The following CNTLN variants were observed in gnomAD, a reference collection of about 807,000 sequenced individuals.
CNTLN encodes the protein centlein, centrosomal protein.
A neutral mutation model predicts 180.0 loss-of-function variants in CNTLN; 212 were observed. The observed-to-expected ratio is 1.18, with a 90% CI of 1.05 to 1.32. The LOEUF (loss-of-function observed/expected upper bound fraction) is 1.32. Ranked by LOEUF, CNTLN falls within the 40% of genes most tolerant of loss-of-function variation. The pLI, the probability that CNTLN is intolerant of heterozygous loss-of-function variation, is 0.00. For missense variants in CNTLN, 2,095 were observed against 1,610.9 expected, an observed-to-expected ratio of 1.30 and a Z score of -5.14; for synonymous variants, 722 against 563.1, an observed-to-expected ratio of 1.28 and a Z score of -3.99.
At position 17,273,641 on chromosome 9, in the gene CNTLN, T is replaced by C. The variant is rs148254268; in HGVS notation, c.850-92T>C. On this transcript the variant is annotated intron_variant, in intron 5 of 25. Coordinates refer to ENST00000380647, the MANE Select transcript of CNTLN (RefSeq NM_017738.4). ...TGAAAAAATTAAAACTATTTTTCTC[T>C]GTCATTTTGTAGAATAATTAAATAT... 7.6e-6 allele frequency: 5 copies of C among 660,138 alleles called. No homozygotes were observed. The East Asian group carries it at 1.6e-4, about 21-fold the overall frequency. The allele number at this position is 660,138 out of a possible 1,614,324, so 40.9% of individuals were successfully genotyped here. A position where few individuals can be genotyped will look rare whatever the true frequency, so the allele number is the denominator to read the frequency against.
chr9:17,418,996 A>G (rs1828487563), intron 18 of CNTLN, among the ~76,000 whole-genome samples: 1 of 152,134 alleles, frequency 6.6e-6, no homozygotes, highest in African/African-American at 2.4e-5. Context: ...AAAAAAGCTT[A>G]GAAGAAGAAA....
At chr9:17,352,431 G>A (rs1278540164) in intron 12 of CNTLN, among the ~76,000 whole-genome samples, 1 of 119,006 alleles carries the variant, frequency 8.4e-6, no homozygotes, top group Non-Finnish European at 1.7e-5. Context: ...TTTTTTTTTT[G>A]GTATGTAGAA....
chr9:17,381,816 C>G lies in CNTLN; in HGVS notation c.1988-6346C>G, dbSNP rs148934865. 6.6e-5 allele frequency among the ~76,000 whole-genome samples: 10 copies of G among 152,292 alleles called. No individual in the cohort carries two copies. The East Asian group carries it at 9.7e-4, about 15-fold the overall frequency. ...AGGCAATATTGGATTTAGGTCTGCT[C>G]CATATTTCTTAATCCCAGTCCCAGG... On this transcript the variant is annotated intron_variant, in intron 13 of 25. Transcript: ENST00000380647.
In CNTLN at chr9:17,298,481, T is replaced by A. The variant is rs76842022; in HGVS notation, c.1146+129T>A. 3.4e-3 allele frequency: 4,576 copies of A among 1,340,068 alleles called. 136 individuals carry two copies. In the African/African-American group the frequency reaches 0.063, roughly 18 times the overall value. 83.0% of individuals were successfully genotyped at this position (1,340,068 alleles called of 1,614,324 possible). On this transcript the variant is annotated intron_variant, in intron 7 of 25. Transcript: ENST00000380647. Reference sequence around the variant, plus strand: ...CTTTTACATGTGTTTCCTCAAAATTTAGAAGTGAAGGATGGTTCAATTTGA... The same window carrying A: ...CTTTTACATGTGTTTCCTCAAAATTAAGAAGTGAAGGATGGTTCAATTTGA...
chr9:17,224,757 T>C (rs1379648965), intron 2 of CNTLN, among the ~76,000 whole-genome samples: 1 of 152,058 alleles, frequency 6.6e-6, no homozygotes, highest in Non-Finnish European at 1.5e-5. Flanking sequence ...ACATTAGTTA[T>C]TCTTTTGTCT....
At chr9:17,137,535 A>G (rs1159939183) in intron 1 of CNTLN, among the ~76,000 whole-genome samples, 1 of 152,226 alleles carries the variant, frequency 6.6e-6, no homozygotes, top group Non-Finnish European at 1.5e-5. Context: ...ATACAAACAT[A>G]TATTTTCAGA....
chr9:17,501,971 A>G (rs926476230), intron 25 of CNTLN, among the ~76,000 whole-genome samples: 1 of 152,230 alleles, frequency 6.6e-6, no homozygotes, highest in Admixed American at 6.5e-5. Context: ...AAATTTAAAA[A>G]TGTAGTCTAC....
At chr9:17,233,093 C>G (rs1824912263) in intron 3 of CNTLN, among the ~76,000 whole-genome samples, 1 of 152,014 alleles carries the variant, frequency 6.6e-6, no homozygotes, top group Non-Finnish European at 1.5e-5. Context: ...ATAATGAAAA[C>G]TCTTGAAATG....
chr9:17,320,207 C>A (rs1819810424), intron 8 of CNTLN, among the ~76,000 whole-genome samples: 2 of 152,146 alleles, frequency 1.3e-5, no homozygotes, highest in Admixed American at 6.5e-5. Context: ...CTCTCTCTTC[C>A]TTGCTTTCCT....
intron 23 of CNTLN, among the ~76,000 whole-genome samples, chr9:17,470,952 G>T (rs892646690): frequency 3.3e-5 from 5 of 151,938 alleles, no homozygotes; most frequent in Non-Finnish European, 5.9e-5. Flanking sequence ...ACATACAATT[G>T]TTAATACCTT....
downstream of CNTLN, among the ~76,000 whole-genome samples, chr9:17,506,070 A>C (rs1002125808): frequency 3.6e-5 from 2 of 55,444 alleles, no homozygotes; most frequent in Non-Finnish European, 8.7e-5. Flanking sequence ...GCAGTTGGGC[A>C]TCTTGGGTTA....
chr9:17,220,979 C>T (rs1824095152), intron 2 of CNTLN, among the ~76,000 whole-genome samples: 1 of 152,010 alleles, frequency 6.6e-6, no homozygotes. Context: ...AATTCCTGGA[C>T]AGTTAAAAAT....
At chr9:17,163,229 A>T (rs1024677068) in intron 2 of CNTLN, among the ~76,000 whole-genome samples, 1 of 152,078 alleles carries the variant, frequency 6.6e-6, no homozygotes, top group African/African-American at 2.4e-5. Flanking sequence ...GGTCCCTCCC[A>T]CCACATGTGG....
chr9:17,223,627 T>C (rs1367592227), intron 2 of CNTLN, among the ~76,000 whole-genome samples: 3 of 152,046 alleles, frequency 2.0e-5, no homozygotes, highest in Non-Finnish European at 4.4e-5. Context: ...CTGCCTATCA[T>C]GTACAATTCA....
chr9:17,359,717 TAAAAATACAAAAAAAA>T lies in CNTLN; in HGVS notation c.1887-6894_1887-6879del, dbSNP rs1226351039. Among the ~76,000 whole-genome samples, 6 of 13,498 alleles carry T rather than the reference TAAAAATACAAAAAAAA, an allele frequency of 4.4e-4. No individual in the cohort carries two copies. The Admixed American group carries it at 4.8e-3, about 11-fold the overall frequency. The allele number at this position is 13,498 out of a possible 152,430, so 8.9% of individuals were successfully genotyped here. A position where few individuals can be genotyped will look rare whatever the true frequency, so the allele number is the denominator to read the frequency against. ...TAACACGGTGAAACTCCGTCTATAC[TAAAAATACAAAAAAAA>T]AAAAAAAAAAAAAAAAACTAGCTGG... On this transcript the variant is annotated intron_variant, in intron 12 of 25. Coordinates refer to ENST00000380647, the MANE Select transcript of CNTLN (RefSeq NM_017738.4).
intron 23 of CNTLN, among the ~76,000 whole-genome samples, chr9:17,474,090 C>T (rs1006027439): frequency 1.3e-5 from 2 of 152,086 alleles, no homozygotes; most frequent in African/African-American, 2.4e-5. Flanking sequence ...TATACTCGCT[C>T]TCTAGACAAT....
At chr9:17,348,475 T>A (rs1822093224) in intron 12 of CNTLN, among the ~76,000 whole-genome samples, 1 of 152,106 alleles carries the variant, frequency 6.6e-6, no homozygotes, top group African/African-American at 2.4e-5. Flanking sequence ...AAGGGGTTCC[T>A]GCTTAGTGTT....
At chr9:17,353,427 A>G (rs1270475422) in intron 12 of CNTLN, among the ~76,000 whole-genome samples, 1 of 151,774 alleles carries the variant, frequency 6.6e-6, no homozygotes, top group Non-Finnish European at 1.5e-5. Context: ...TATTATCGCC[A>G]AAATTGTGGG....
chr9:17,307,513 G>T (rs545647565), intron 7 of CNTLN, among the ~76,000 whole-genome samples: 3 of 152,154 alleles, frequency 2.0e-5, no homozygotes, highest in African/African-American at 7.2e-5. Context: ...CAGGTGATCT[G>T]CCCATCTCGG....
Sources: gnomAD v4.1 joint callset for allele counts (sites outside exome capture counted in the v4.1 genomes callset) on GRCh38, gnomAD v4.1.1 for gene constraint, MANE v1.5 for transcripts, NCBI Gene and HGNC (gene_info 2026-07-23, HGNC 2026-07-21) for gene names.